WDFY2: variants seen among roughly 807,000 people sequenced by gnomAD.
WDFY2 encodes WD repeat and FYVE domain-containing protein 2.
Under a neutral mutation model 56.4 loss-of-function variants are expected in WDFY2, and 36 were observed. That is an observed-to-expected ratio of 0.64 (90% CI 0.49 to 0.84). WDFY2 has a LOEUF of 0.84. WDFY2 is among the 40% of genes least tolerant of loss of function. The pLI, the probability that WDFY2 is intolerant of heterozygous loss-of-function variation, is 0.00. For missense variants in WDFY2, 444 were observed against 512.2 expected (o/e 0.87, Z 1.29); for synonymous variants, 176 against 183.7 (o/e 0.96, Z 0.34).
chr13:51,584,630 C>T lies in WDFY2; in HGVS notation c.-58C>T. ...CCTGTGTCCGTGCTCCAGCAGTCTC[C>T]TCAGCCCGGCCCCGCGGCGCGGTTG... On this transcript the variant is annotated 5_prime_UTR_variant, in exon 1 of 12. Transcript: ENST00000298125. 6.4e-7 allele frequency: 1 copy of T among 1,564,008 alleles called. No individual in the cohort carries two copies. The highest frequency in any genetic ancestry group is 2.3e-5 in the East Asian group (1 of 43,764).
chr13:51,734,709 A>C (rs1952798622), intron 6 of WDFY2, among the ~76,000 whole-genome samples: 1 of 152,214 alleles, frequency 6.6e-6, no homozygotes, highest in East Asian at 1.9e-4. Flanking sequence ...ACCTGTGCCC[A>C]CTAAAGAATA....
At chr13:51,693,662 G>C (rs1951797570) in intron 3 of WDFY2, among the ~76,000 whole-genome samples, 1 of 151,070 alleles carries the variant, frequency 6.6e-6, no homozygotes, top group African/African-American at 2.4e-5. Flanking sequence ...ATATTCTGTT[G>C]ATTTGGGGTG....
intron 8 of WDFY2, among the ~76,000 whole-genome samples, chr13:51,753,809 G>A (rs1348751226): frequency 6.6e-6 from 1 of 151,984 alleles, no homozygotes; most frequent in Non-Finnish European, 1.5e-5. Context: ...AACTCAGCCG[G>A]GCACGGTGGC....
chr13:51,710,631 C>T (rs922104522), intron 4 of WDFY2, among the ~76,000 whole-genome samples: 2 of 152,060 alleles, frequency 1.3e-5, no homozygotes, highest in African/African-American at 4.8e-5. Context: ...ACAAGCATTC[C>T]TATACACCAA....
At chr13:51,601,779 C>A (rs1954288368) in intron 1 of WDFY2, among the ~76,000 whole-genome samples, 1 of 152,154 alleles carries the variant, frequency 6.6e-6, no homozygotes, top group African/African-American at 2.4e-5. Context: ...CCCTTCTACT[C>A]CACCTCACGA....
chr13:51,708,093 C>G (rs1018288872), intron 4 of WDFY2, among the ~76,000 whole-genome samples: 15 of 150,974 alleles, frequency 9.9e-5, no homozygotes, highest in African/African-American at 3.6e-4. Flanking sequence ...TTACAGGCAC[C>G]CGCCACCACA....
intron 3 of WDFY2, among the ~76,000 whole-genome samples, chr13:51,680,018 G>A (rs956770041): frequency 8.5e-5 from 13 of 152,126 alleles, no homozygotes; most frequent in African/African-American, 2.9e-4. Flanking sequence ...TTGAGCTCCT[G>A]GACTCAAGTA....
At chr13:51,679,712 T>G (rs935088586) in intron 3 of WDFY2, among the ~76,000 whole-genome samples, 2 of 152,172 alleles carry the variant, frequency 1.3e-5, no homozygotes, top group African/African-American at 4.8e-5. Context: ...TTTTCTCTCA[T>G]GGTTCTGGAG....
chr13:51,745,765 A>C (rs1026180270), intron 7 of WDFY2, among the ~76,000 whole-genome samples: 4 of 131,726 alleles, frequency 3.0e-5, no homozygotes, highest in Admixed American at 8.0e-5. Context: ...AAAAAAAAAA[A>C]CCAGGCTGGT....
chr13:51,676,782 A>G (rs1315265623), intron 3 of WDFY2, among the ~76,000 whole-genome samples: 1 of 152,178 alleles, frequency 6.6e-6, no homozygotes, highest in African/African-American at 2.4e-5. Context: ...GAGGAGAGCC[A>G]TTTTTAAAAG....
intron 6 of WDFY2, among the ~76,000 whole-genome samples, chr13:51,738,770 C>T (rs891992493): frequency 6.6e-6 from 1 of 152,092 alleles, no homozygotes; most frequent in African/African-American, 2.4e-5. Context: ...AGAATTATGT[C>T]TCCCTTTTGA....
rs150034812 is a variant in WDFY2 at position 51,609,017 on chromosome 13, T to C, written c.137+24193T>C. 1.2e-3 allele frequency among the ~76,000 whole-genome samples: 189 copies of C among 152,162 alleles called. 1 individual carries two copies. Among genetic ancestry groups the C allele is most frequent in the African/African-American group, 4.5e-3 (185 of 41,534 alleles). ...CAGTGGAATTGCTACTTGAATGTTG[T>C]TGTGTGTGTGTGGGTATGTGTGTGC... On this transcript the variant is annotated intron_variant, in intron 1 of 11. Coordinates refer to ENST00000298125, the MANE Select transcript of WDFY2 (RefSeq NM_052950.4).
intron 3 of WDFY2, among the ~76,000 whole-genome samples, chr13:51,696,934 G>A (rs1257462061): frequency 6.6e-6 from 1 of 151,964 alleles, no homozygotes; most frequent in South Asian, 2.1e-4. Flanking sequence ...GACAGAGAAA[G>A]GAAAATATCC....
In WDFY2 at chr13:51,584,468, G is replaced by C. The variant is rs532435719; in HGVS notation, c.-220G>C. 20 of 576,148 alleles carry C rather than the reference G, an allele frequency of 3.5e-5. No individual in the cohort carries two copies. In the Admixed American group the frequency reaches 4.7e-4, roughly 14 times the overall value. 35.7% of individuals were successfully genotyped at this position (576,148 alleles called of 1,614,324 possible). A position where few individuals can be genotyped will look rare whatever the true frequency, so the allele number is the denominator to read the frequency against. On this transcript the variant is annotated 5_prime_UTR_variant, in exon 1 of 12. Transcript: ENST00000298125. ...CGCTCCGCCCCCTCCTCTTGTAGTG[G>C]CGCCGGCTTGCATCCCAGGTCGTGG...
At chr13:51,719,135 G>C in intron 4 of WDFY2, 63 bp from the exon 5 acceptor site, 5 of 1,607,032 alleles carry the variant, frequency 3.1e-6, no homozygotes, top group Non-Finnish European at 4.3e-6. Flanking sequence ...ATCTCTGTGG[G>C]CCATGTTCTT....
At chr13:51,608,419 C>T (rs143615031) in intron 1 of WDFY2, among the ~76,000 whole-genome samples, 18 of 152,220 alleles carry the variant, frequency 1.2e-4, no homozygotes, top group East Asian at 5.8e-4. Flanking sequence ...TGGTGGCTCA[C>T]GCCTGTAATC....
At chr13:51,653,221 T>G (rs1955436207) in intron 1 of WDFY2, among the ~76,000 whole-genome samples, 1 of 152,240 alleles carries the variant, frequency 6.6e-6, no homozygotes, top group African/African-American at 2.4e-5. Context: ...TGTGCATTTG[T>G]CACGTAGTTC....
rs1953544277 is a variant in WDFY2 at position 51,760,405 on chromosome 13, G to A, written c.*636G>A. The A allele has an allele frequency of 6.6e-6, 1 of 152,094 alleles. No individual in the cohort carries two copies. The highest frequency in any genetic ancestry group is 2.4e-5 in the African/African-American group (1 of 41,390). The allele number at this position is 152,094 out of a possible 1,614,324, so 9.4% of individuals were successfully genotyped here. ...TCTGCCTCATTCACGTTCTTATGAA[G>A]TAGAAAAGACTGTGTTTCTGCCTCA... On this transcript the variant is annotated 3_prime_UTR_variant, in exon 12 of 12. Transcript: ENST00000298125.
chr13:51,629,359 T>G (rs1954904685), intron 1 of WDFY2, among the ~76,000 whole-genome samples: 1 of 152,240 alleles, frequency 6.6e-6, no homozygotes, highest in African/African-American at 2.4e-5. Context: ...AACCATGTGT[T>G]TGTTTTAGTA....
Sources: gnomAD v4.1 joint callset for allele counts (sites outside exome capture counted in the v4.1 genomes callset) on GRCh38, gnomAD v4.1.1 for gene constraint, MANE v1.5 for transcripts, NCBI Gene and HGNC (gene_info 2026-07-23, HGNC 2026-07-21) for gene names.